The following CHAF1B variants were observed in gnomAD, a reference collection of about 807,000 sequenced individuals.
CHAF1B encodes CAF-1 subunit B.
A neutral mutation model predicts 60.7 loss-of-function variants in CHAF1B; 10 were observed. That is an observed-to-expected ratio of 0.16 (90% CI 0.10 to 0.28). CHAF1B has a LOEUF of 0.28. Ranked by LOEUF, CHAF1B falls within the 10% of genes least tolerant of loss-of-function variation. The pLI is 1.00. For synonymous variants in CHAF1B, 261 were observed against 266.1 expected, an observed-to-expected ratio of 0.98 and a Z score of 0.19; for missense variants, 558 against 708.4, an observed-to-expected ratio of 0.79 and a Z score of 2.41.
intron 3 of CHAF1B, 89 bp downstream of exon 3, chr21:36,387,819 G>GT: frequency 1.5e-6 from 2 of 1,303,666 alleles, no homozygotes; most frequent in Admixed American, 2.1e-5. Context: ...AGCTGGATAT[G>GT]CTTTTTTTTT....
chr21:36,408,561 A>G (rs945514383), intron 8 of CHAF1B, among the ~76,000 whole-genome samples, 200 bp from the exon 9 acceptor site: 10 of 152,240 alleles, frequency 6.6e-5, no homozygotes, highest in African/African-American at 2.4e-4. Flanking sequence ...GATGACAGGT[A>G]GGTAGAACTG....
chr21:36,404,591 C>T (rs865833745), intron 8 of CHAF1B, among the ~76,000 whole-genome samples: 1 of 150,884 alleles, frequency 6.6e-6, no homozygotes, highest in Non-Finnish European at 1.5e-5. Context: ...TGCGCCACCA[C>T]GCCCAGCTAA....
At chr21:36,406,328 C>G in intron 8 of CHAF1B, among the ~76,000 whole-genome samples, 1 of 152,158 alleles carries the variant, frequency 6.6e-6, no homozygotes, top group South Asian at 2.1e-4. Flanking sequence ...CCTTGTCGCC[C>G]AGGCTTGAGA....
At chr21:36,386,356 C>T (rs1292323178) in intron 2 of CHAF1B, 94 bp downstream of exon 2, 30 of 1,481,698 alleles carry the variant, frequency 2.0e-5, no homozygotes, top group Non-Finnish European at 2.5e-5. Context: ...GGCGCGGTGG[C>T]TTACGCCTGT....
At chr21:36,394,290 T>C (rs1289117523) in intron 4 of CHAF1B, among the ~76,000 whole-genome samples, 1 of 152,080 alleles carries the variant, frequency 6.6e-6, no homozygotes, top group African/African-American at 2.4e-5. Flanking sequence ...TTGGCCAGGA[T>C]GGTCTCGATC....
At chr21:36,413,342 AT>A in intron 12 of CHAF1B, 27 bp downstream of exon 12, 1 of 1,524,392 alleles carries the variant, frequency 6.6e-7, no homozygotes, top group East Asian at 2.3e-5. Flanking sequence ...ACAAGATGTC[AT>A]TGCAAAATGA....
chr21:36,386,229 A>G lies in CHAF1B; in HGVS notation c.93A>G (p.Arg31=), dbSNP rs747848592. ...FQHGTAGRIH[R]LASAGVDTNV... is the part of the protein sequence containing the mutation. ...ATGGGACGGCTGGGAGGATCCACAG[A>G]CTGGCGTCTGCCGGCGTGGACACCA... The change falls in exon 2 of 14, where the codon AGA becomes AGG. Residue 31 remains arginine, a synonymous_variant. Transcript: ENST00000314103. 10 of 1,614,204 alleles carry G rather than the reference A, an allele frequency of 6.2e-6. No homozygotes were observed. The highest frequency in any genetic ancestry group is 8.5e-6 in the Non-Finnish European group (10 of 1,180,028).
At chr21:36,407,851 G>T (rs925702322) in intron 8 of CHAF1B, among the ~76,000 whole-genome samples, 1 of 151,910 alleles carries the variant, frequency 6.6e-6, no homozygotes, top group South Asian at 2.1e-4. Context: ...CGTGGCAGGT[G>T]CCTGTAATCC....
chr21:36,403,977 G>C (rs1350147428), intron 8 of CHAF1B, among the ~76,000 whole-genome samples: 2 of 152,160 alleles, frequency 1.3e-5, no homozygotes, highest in East Asian at 1.9e-4. Context: ...GAACACTGCG[G>C]AACATGTGCG....
intron 6 of CHAF1B, among the ~76,000 whole-genome samples, 200 bp from the exon 7 acceptor site, chr21:36,399,321 C>T (rs561019426): frequency 1.3e-5 from 2 of 152,304 alleles, no homozygotes; most frequent in South Asian, 4.1e-4. Flanking sequence ...CAGGCGTGAG[C>T]TACCGCGCCC....
chr21:36,407,776 G>A (rs371063655), intron 8 of CHAF1B, among the ~76,000 whole-genome samples: 26 of 151,938 alleles, frequency 1.7e-4, no homozygotes, highest in East Asian at 7.7e-4. Context: ...TCAGGAGTTC[G>A]AGACCACCCT....
chr21:36,409,127 A>G (rs2086258200), intron 9 of CHAF1B, among the ~76,000 whole-genome samples: 1 of 149,630 alleles, frequency 6.7e-6, no homozygotes, highest in South Asian at 2.1e-4. Context: ...AGTGCTGGGA[A>G]TACAGGCATG....
At position 36,416,654 on chromosome 21, in the gene CHAF1B, G is replaced by C. The variant is rs567967052; in HGVS notation, c.*288G>C. On this transcript the variant is annotated 3_prime_UTR_variant, in exon 14 of 14. Coordinates refer to ENST00000314103, the MANE Select transcript of CHAF1B (RefSeq NM_005441.3). ...CGTTATCCAGTGTGAAAATCAGTGA[G>C]TCCTCCCTGGCATCCTCGTGAAAGT... is the stretch of plus-strand genomic sequence containing the variant. 1 of 268,404 alleles carries C rather than the reference G, an allele frequency of 3.7e-6. No individual in the cohort carries two copies. The highest frequency in any genetic ancestry group is 1.3e-4 in the South Asian group (1 of 7,888). The allele number at this position is 268,404 out of a possible 1,614,324, so 16.6% of individuals were successfully genotyped here. A position where few individuals can be genotyped will look rare whatever the true frequency, so the allele number is the denominator to read the frequency against.
chr21:36,397,402 G>GTT lies in CHAF1B; in HGVS notation c.482-6_482-5dup. The GTT allele has an allele frequency of 6.4e-6, 9 of 1,403,476 alleles. No individual in the cohort carries two copies. The highest frequency in any genetic ancestry group is 1.8e-4 in the Middle Eastern group (1 of 5,466). The allele number at this position is 1,403,476 out of a possible 1,614,324, so 86.9% of individuals were successfully genotyped here. A position where few individuals can be genotyped will look rare whatever the true frequency, so the allele number is the denominator to read the frequency against. On this transcript the variant is annotated splice_polypyrimidine_tract_variant and intron_variant, in intron 5 of 13. Coordinates refer to ENST00000314103, the MANE Select transcript of CHAF1B (RefSeq NM_005441.3). The stretch of plus-strand genomic sequence containing the variant: ...ATGCTGTTTTGGTGCGTGTGTGTGT[G>GTT]TTTTTTTTGTAGGACAAAAGATATC...
chr21:36,417,673 C>T lies in CHAF1B; in HGVS notation c.*1307C>T, dbSNP rs1378721148. The T allele has an allele frequency of 1.3e-5, 2 of 151,868 alleles. No homozygotes were observed. Among genetic ancestry groups the T allele is most frequent in the African/African-American group, 4.8e-5 (2 of 41,304 alleles). 9.4% of individuals were successfully genotyped at this position (151,868 alleles called of 1,614,324 possible). A position where few individuals can be genotyped will look rare whatever the true frequency, so the allele number is the denominator to read the frequency against. On this transcript the variant is annotated 3_prime_UTR_variant, in exon 14 of 14. Transcript: ENST00000314103. ...GGGAGACGGGGTTTTTCCATGTTGCCCAGGCTGGTCTCGAACTCCTGGGGC... is the reference window on the plus strand; with the variant it reads ...GGGAGACGGGGTTTTTCCATGTTGCTCAGGCTGGTCTCGAACTCCTGGGGC...
chr21:36,411,011 G>T (rs1480114427), intron 10 of CHAF1B, among the ~76,000 whole-genome samples: 1 of 151,626 alleles, frequency 6.6e-6, no homozygotes, highest in Non-Finnish European at 1.5e-5. Flanking sequence ...CCTCATTGTG[G>T]GTCATATCTT....
At chr21:36,408,601 AAT>A (rs2086254802) in intron 8 of CHAF1B, among the ~76,000 whole-genome samples, 158 bp from the exon 9 acceptor site, 1 of 152,194 alleles carries the variant, frequency 6.6e-6, no homozygotes, top group South Asian at 2.1e-4. Flanking sequence ...ACAGTGCCGG[AAT>A]ATATGTTTTT....
chr21:36,403,454 C>CT (rs2086208899), intron 8 of CHAF1B, among the ~76,000 whole-genome samples: 2 of 70,678 alleles, frequency 2.8e-5, no homozygotes, highest in South Asian at 4.0e-4. Context: ...GATATCTTAT[C>CT]TAAAAAAAAA....
rs573541772 is a variant in CHAF1B at position 36,398,567 on chromosome 21, C to T, written c.579-954C>T. Among the ~76,000 whole-genome samples the T allele has an allele frequency of 5.9e-5, 9 of 152,216 alleles. No homozygotes were observed. In the South Asian group the frequency reaches 8.3e-4, roughly 14 times the overall value. The stretch of plus-strand genomic sequence containing the variant: ...TAGAGACAGAGTTTCACCGTATTGA[C>T]GATGCTGGTCTCAAACTCCTGACCT... On this transcript the variant is annotated intron_variant, in intron 6 of 13. Coordinates refer to ENST00000314103, the MANE Select transcript of CHAF1B (RefSeq NM_005441.3).
Sources: allele counts gnomAD v4.1 joint callset (sites outside exome capture counted in the v4.1 genomes callset), GRCh38; gene constraint gnomAD v4.1.1; transcripts MANE v1.5; gene names NCBI Gene and HGNC (gene_info 2026-07-23, HGNC 2026-07-21).